MSRA: variants seen among roughly 807,000 people sequenced by gnomAD.
The protein encoded by MSRA is methionine sulfoxide reductase A.
Under a neutral mutation model 31.3 loss-of-function variants are expected in MSRA, and 54 were observed. The observed-to-expected ratio is 1.73, with a 90% confidence interval of 1.39 to 2.17. The LOEUF (loss-of-function observed/expected upper bound fraction) is 2.17. Among genes scored for constraint, MSRA ranks in the 30% most tolerant of loss-of-function variants. The pLI, the probability that MSRA is intolerant of heterozygous loss-of-function variation, is 0.00. For missense variants in MSRA, 507 were observed against 300.9 expected (o/e 1.69, Z -5.07); for synonymous variants, 169 against 116.5 (o/e 1.45, Z -2.90).
chr8:10,308,784 G>C (rs1801278410), intron 4 of MSRA, among the ~76,000 whole-genome samples: 1 of 152,200 alleles, frequency 6.6e-6, no homozygotes, highest in South Asian at 2.1e-4. Context: ...TGCTTAGCCT[G>C]TCCATAGCTC....
intron 3 of MSRA, among the ~76,000 whole-genome samples, chr8:10,299,191 T>C (rs533435211): frequency 6.6e-6 from 1 of 152,210 alleles, no homozygotes; most frequent in Admixed American, 6.5e-5. Flanking sequence ...TTTCTTCACA[T>C]AGGAAGAAAT....
chr8:10,361,110 T>C (rs1804821109), intron 5 of MSRA, among the ~76,000 whole-genome samples: 1 of 152,230 alleles, frequency 6.6e-6, no homozygotes, highest in African/African-American at 2.4e-5. Flanking sequence ...CAGGGTTAAG[T>C]TCCTGCCTTC....
intron 1 of MSRA, among the ~76,000 whole-genome samples, chr8:10,190,887 TC>T (rs1404347437): frequency 2.6e-5 from 4 of 152,076 alleles, no homozygotes; most frequent in Non-Finnish European, 5.9e-5. Context: ...TTAACTAAAA[TC>T]TAAAATGAGG....
chr8:10,228,906 C>G (rs1811229627), intron 2 of MSRA, among the ~76,000 whole-genome samples: 1 of 152,086 alleles, frequency 6.6e-6, no homozygotes, highest in Non-Finnish European at 1.5e-5. Flanking sequence ...ATACTGTTTC[C>G]TAGAAAACGA....
chr8:10,348,425 A>G (rs1247743183), intron 5 of MSRA, among the ~76,000 whole-genome samples: 1 of 117,018 alleles, frequency 8.5e-6, no homozygotes, highest in Non-Finnish European at 1.6e-5. Context: ...GCTGGAGTGC[A>G]GTGGCGTGAT....
chr8:10,233,993 A>G (rs77109537), intron 2 of MSRA, among the ~76,000 whole-genome samples: 2,842 of 152,318 alleles, frequency 0.019, 89 homozygotes, highest in African/African-American at 0.065. Flanking sequence ...ATGAGTGCCA[A>G]TGATCGTGAG....
chr8:10,379,941 C>A (rs1805967796), intron 5 of MSRA, among the ~76,000 whole-genome samples: 1 of 152,190 alleles, frequency 6.6e-6, no homozygotes, highest in African/African-American at 2.4e-5. Flanking sequence ...AGATTAGTGA[C>A]ATAAGTACTG....
intron 1 of MSRA, among the ~76,000 whole-genome samples, chr8:10,136,174 T>C (rs749401627): frequency 1.6e-4 from 25 of 152,174 alleles, no homozygotes; most frequent in Admixed American, 3.3e-4. Context: ...GCAGTCACGC[T>C]GGGCACAGGG....
chr8:10,144,838 C>T (rs1290278830), intron 1 of MSRA, among the ~76,000 whole-genome samples: 1 of 152,114 alleles, frequency 6.6e-6, no homozygotes, highest in Non-Finnish European at 1.5e-5. Flanking sequence ...TCTGACTGTG[C>T]TTCTCTGTTA....
chr8:10,286,053 G>C lies in MSRA; in HGVS notation c.332-15481G>C, dbSNP rs192983382. Among the ~76,000 whole-genome samples the C allele has an allele frequency of 3.3e-3, 497 of 152,190 alleles. 4 individuals are homozygous for C. The highest frequency in any genetic ancestry group is 5.7e-3 in the Non-Finnish European group (386 of 68,008). Reference sequence around the variant, plus strand: ...ATGTCAGAGGGAGCTGTGGGGTTCTGATACTGTGGGCACTGGGCACCGTGT... The same window carrying C: ...ATGTCAGAGGGAGCTGTGGGGTTCTCATACTGTGGGCACTGGGCACCGTGT... On this transcript the variant is annotated intron_variant, in intron 3 of 5. Transcript: ENST00000317173.
intron 1 of MSRA, among the ~76,000 whole-genome samples, chr8:10,206,117 T>G (rs1047814938): frequency 3.3e-5 from 5 of 152,188 alleles, no homozygotes; most frequent in African/African-American, 1.2e-4. Flanking sequence ...TTCTGACTTG[T>G]GATATGGGTC....
At chr8:10,125,517 C>T (rs114346789) in intron 1 of MSRA, among the ~76,000 whole-genome samples, 2,390 of 152,208 alleles carry the variant, frequency 0.016, 32 homozygotes, top group African/African-American at 0.038. Flanking sequence ...TGCAACTGGA[C>T]GGAAGAAGCA....
intron 4 of MSRA, among the ~76,000 whole-genome samples, chr8:10,311,829 G>C (rs1336641627): frequency 6.6e-6 from 1 of 152,018 alleles, no homozygotes; most frequent in African/African-American, 2.4e-5. Context: ...AGGTGGGAGG[G>C]GTGCTTGTGC....
At chr8:10,303,754 G>A (rs1181823574) in intron 4 of MSRA, among the ~76,000 whole-genome samples, 1 of 152,162 alleles carries the variant, frequency 6.6e-6, no homozygotes, top group African/African-American at 2.4e-5. Flanking sequence ...TTAGTTAAGG[G>A]TAGGGCGAGA....
At chr8:10,325,152 A>G (rs928159961) in intron 5 of MSRA, among the ~76,000 whole-genome samples, 3 of 152,166 alleles carry the variant, frequency 2.0e-5, no homozygotes, top group African/African-American at 7.2e-5. Context: ...ACTCCGATCC[A>G]GGGAAGGCAG....
intron 1 of MSRA, among the ~76,000 whole-genome samples, chr8:10,140,498 G>A (rs950696082): frequency 3.3e-5 from 5 of 152,130 alleles, no homozygotes; most frequent in South Asian, 2.1e-4. Flanking sequence ...CTTGATCTAC[G>A]AGATTTGGAA....
intron 3 of MSRA, among the ~76,000 whole-genome samples, chr8:10,269,494 A>G (rs542954057): frequency 2.6e-5 from 4 of 152,242 alleles, no homozygotes; most frequent in Non-Finnish European, 5.9e-5. Flanking sequence ...TGGCTGCACC[A>G]GGCATAGGTT....
At chr8:10,296,239 A>T (rs938974273) in intron 3 of MSRA, among the ~76,000 whole-genome samples, 1 of 152,236 alleles carries the variant, frequency 6.6e-6, no homozygotes, top group Non-Finnish European at 1.5e-5. Flanking sequence ...AGGCACTTAC[A>T]GAGATAAAAT....
intron 2 of MSRA, among the ~76,000 whole-genome samples, chr8:10,224,049 A>G (rs997205983): frequency 6.6e-6 from 1 of 152,156 alleles, no homozygotes; most frequent in African/African-American, 2.4e-5. Flanking sequence ...TCATTTGTTC[A>G]ATGGAGATAG....
Sources: gnomAD v4.1 joint callset for allele counts (sites outside exome capture counted in the v4.1 genomes callset) on GRCh38, gnomAD v4.1.1 for gene constraint, MANE v1.5 for transcripts, NCBI Gene and HGNC (gene_info 2026-07-23, HGNC 2026-07-21) for gene names.